STPG2: variants seen among roughly 807,000 people sequenced by gnomAD.
STPG2 encodes sperm tail PG-rich repeat containing 2, also known as sperm-tail PG-rich repeat-containing protein 2.
STPG2 carries 56 observed loss-of-function variants against 54.2 expected under a neutral mutation model. The observed-to-expected ratio is 1.03, with a 90% CI of 0.83 to 1.29. The LOEUF (loss-of-function observed/expected upper bound fraction) is 1.29, where lower values mean the gene tolerates loss of function less well. Ranked by LOEUF, STPG2 falls within the 50% of genes most tolerant of loss-of-function variation. The pLI, the probability that STPG2 is intolerant of heterozygous loss-of-function variation, is 0.00. For missense variants in STPG2, 596 were observed against 544.9 expected (o/e 1.09, Z -0.93); for synonymous variants, 200 against 181.8 (o/e 1.10, Z -0.81).
At chr4:97,724,665 A>G (rs944294461) in intron 9 of STPG2, among the ~76,000 whole-genome samples, 5 of 152,066 alleles carry the variant, frequency 3.3e-5, no homozygotes, top group Non-Finnish European at 5.9e-5. Context: ...AAGTAGGTTT[A>G]TATCTTTTCT....
chr4:97,475,524 T>C (rs1730049306), intron 4 of STPG2, among the ~76,000 whole-genome samples: 1 of 150,904 alleles, frequency 6.6e-6, no homozygotes, highest in Admixed American at 6.6e-5. Context: ...ATAATATATA[T>C]GTACCATATT....
intron 4 of STPG2, among the ~76,000 whole-genome samples, chr4:97,536,386 A>T (rs1448534101): frequency 6.6e-6 from 1 of 152,066 alleles, no homozygotes; most frequent in African/African-American, 2.4e-5. Flanking sequence ...TTCCCAAAAG[A>T]TCTGATGGAT....
At chr4:97,965,357 A>G in intron 7 of STPG2, among the ~76,000 whole-genome samples, 1 of 152,298 alleles carries the variant, frequency 6.6e-6, no homozygotes, top group South Asian at 2.1e-4. Context: ...CTGGGCAGAG[A>G]CCACTGCAGC....
chr4:97,572,558 G>C (rs1732626662), intron 10 of STPG2: 1 of 151,992 alleles, frequency 6.6e-6, no homozygotes, highest in African/African-American at 2.4e-5. Context: ...ATGAATCTTT[G>C]GTTATTAACA....
intron 5 of STPG2, among the ~76,000 whole-genome samples, chr4:98,021,923 G>C (rs1016046564): frequency 2.0e-5 from 3 of 151,974 alleles, no homozygotes; most frequent in Non-Finnish European, 4.4e-5. Flanking sequence ...CTGCACCTGA[G>C]ATGGGTTTCC....
At chr4:98,024,801 T>C (rs1736360755) in intron 5 of STPG2, among the ~76,000 whole-genome samples, 1 of 152,218 alleles carries the variant, frequency 6.6e-6, no homozygotes, top group Non-Finnish European at 1.5e-5. Flanking sequence ...TTTACAAGAA[T>C]ATCCAGAAGA....
chr4:98,106,952 TA>T (rs1204584621), intron 4 of STPG2, among the ~76,000 whole-genome samples: 2 of 152,080 alleles, frequency 1.3e-5, no homozygotes, highest in Admixed American at 6.6e-5. Flanking sequence ...ATATGCAGAT[TA>T]AAAAATATAT....
intron 4 of STPG2, among the ~76,000 whole-genome samples, chr4:97,456,912 T>TAAAAAAAAAAAAAAAAAAAAA (rs1166086887): frequency 2.1e-5 from 2 of 97,206 alleles, no homozygotes; most frequent in African/African-American, 1.4e-4. Context: ...AAAAGAAAAT[T>TAAAAAAAAAAAAAAAAAAAAA]AAAAAAAAAA....
chr4:97,805,023 A>G (rs777671185), intron 9 of STPG2, among the ~76,000 whole-genome samples: 2 of 152,162 alleles, frequency 1.3e-5, no homozygotes, highest in Non-Finnish European at 2.9e-5. Context: ...CTAACAACAT[A>G]TTTCTCAGAG....
At chr4:97,601,864 T>C (rs1055798747) in intron 10 of STPG2, among the ~76,000 whole-genome samples, 4 of 151,926 alleles carry the variant, frequency 2.6e-5, no homozygotes, top group African/African-American at 7.2e-5. Context: ...ACTAAATTTA[T>C]AGATCAAGTT....
chr4:97,939,689 A>G (rs966010739), intron 8 of STPG2, among the ~76,000 whole-genome samples: 1 of 152,102 alleles, frequency 6.6e-6, no homozygotes, highest in Non-Finnish European at 1.5e-5. Flanking sequence ...TGAGCCTATG[A>G]GAGTCATTAC....
intron 8 of STPG2, among the ~76,000 whole-genome samples, chr4:97,879,240 A>T (rs1730288098): frequency 6.6e-6 from 1 of 151,894 alleles, no homozygotes; most frequent in African/African-American, 2.4e-5. Context: ...AACTCTTCCA[A>T]CCTCTGCCTG....
intron 8 of STPG2, among the ~76,000 whole-genome samples, chr4:97,899,742 A>G (rs1731103461): frequency 6.6e-6 from 1 of 152,136 alleles, no homozygotes; most frequent in Non-Finnish European, 1.5e-5. Flanking sequence ...TATTCAATAA[A>G]TGGTGCCGGG....
intron 10 of STPG2, among the ~76,000 whole-genome samples, chr4:97,696,120 A>G (rs559378216): frequency 6.2e-4 from 95 of 152,350 alleles, no homozygotes; most frequent in Non-Finnish European, 1.2e-3. Context: ...AAACTATACT[A>G]TAAGGCCATA....
intron 10 of STPG2, among the ~76,000 whole-genome samples, chr4:97,712,153 C>T (rs1221657512): frequency 6.6e-6 from 1 of 152,086 alleles, no homozygotes; most frequent in African/African-American, 2.4e-5. Context: ...GAACCTATTT[C>T]ATTCTAATTC....
chr4:97,740,946 C>A (rs942790925), intron 9 of STPG2, among the ~76,000 whole-genome samples: 19 of 152,146 alleles, frequency 1.2e-4, no homozygotes, highest in African/African-American at 4.6e-4. Flanking sequence ...AGGCATCATG[C>A]TACCTGACTT....
intron 10 of STPG2, among the ~76,000 whole-genome samples, chr4:97,678,977 T>A (rs886529651): frequency 2.6e-5 from 4 of 152,020 alleles, no homozygotes; most frequent in Admixed American, 6.6e-5. Context: ...ATGGCTGCAT[T>A]GTATTCCATG....
intron 10 of STPG2, among the ~76,000 whole-genome samples, chr4:97,565,466 A>G (rs1316482013): frequency 4.6e-5 from 7 of 152,002 alleles, no homozygotes; most frequent in African/African-American, 1.5e-4. Flanking sequence ...GCTTTGTTCC[A>G]TTGCTGGTGA....
rs560438408 is a variant in STPG2, at chr4:98,120,285, T to G, written c.387+8143A>C. On this transcript the variant is annotated intron_variant, in intron 3 of 10. Coordinates refer to ENST00000295268, the MANE Select transcript of STPG2 (RefSeq NM_174952.3). ...TAGTAGAGACGGGGTTTCACCATAT[T>G]GATCAGGCTGGTCTTGAACTCCTGA... 4.6e-5 allele frequency among the ~76,000 whole-genome samples: 7 copies of G among 152,244 alleles called. 1 individual carries two copies. Among genetic ancestry groups the G allele is most frequent in the Admixed American group, 3.9e-4 (6 of 15,290 alleles).
Sources: allele counts gnomAD v4.1 joint callset (sites outside exome capture counted in the v4.1 genomes callset), GRCh38; gene constraint gnomAD v4.1.1; transcripts MANE v1.5; gene names NCBI Gene and HGNC (gene_info 2026-07-23, HGNC 2026-07-21).